Variants in AGBL1 observed in about 807,000 individuals in gnomAD.
AGBL1 encodes AGBL carboxypeptidase 1, also known as cytosolic carboxypeptidase 4.
AGBL1 carries 130 observed loss-of-function variants against 118.9 expected under a neutral mutation model. The observed-to-expected ratio is 1.09, with a 90% CI of 0.95 to 1.26. The LOEUF (loss-of-function observed/expected upper bound fraction) is 1.26. Ranked by LOEUF, AGBL1 falls within the 50% of genes most tolerant of loss-of-function variation. The pLI, the probability that AGBL1 is intolerant of heterozygous loss-of-function variation, is 0.00. For missense variants in AGBL1, 1,584 were observed against 1,298.1 expected (o/e 1.22, Z -3.38); for synonymous variants, 555 against 478.9 (o/e 1.16, Z -2.08).
intron 5 of AGBL1, among the ~76,000 whole-genome samples, chr15:86,215,217 A>G (rs369375030): frequency 0.074 from 9,483 of 128,090 alleles, 482 homozygotes; most frequent in Admixed American, 0.11. Context: ...GTGAGTGTAT[A>G]TGTATGCGTG....
At chr15:86,311,845 G>A (rs766884575) in intron 17 of AGBL1, among the ~76,000 whole-genome samples, 1 of 152,194 alleles carries the variant, frequency 6.6e-6, no homozygotes, top group Non-Finnish European at 1.5e-5. Flanking sequence ...TTCCCTTGCA[G>A]CTGGTGGAAA....
chr15:86,559,993 G>A (rs1036406238), intron 21 of AGBL1, among the ~76,000 whole-genome samples: 1 of 152,086 alleles, frequency 6.6e-6, no homozygotes, highest in African/African-American at 2.4e-5. Flanking sequence ...GACAGAATTG[G>A]AACTAAAAGA....
At chr15:86,503,311 A>C (rs2082937694) in intron 18 of AGBL1, among the ~76,000 whole-genome samples, 1 of 151,304 alleles carries the variant, frequency 6.6e-6, no homozygotes, top group Admixed American at 6.6e-5. Context: ...TCCTTTTAAT[A>C]ATTTACATCT....
chr15:86,965,494 T>C (rs1482828975), intron 23 of AGBL1, among the ~76,000 whole-genome samples: 1 of 152,090 alleles, frequency 6.6e-6, no homozygotes, highest in Non-Finnish European at 1.5e-5. Flanking sequence ...TTTTTTCTTG[T>C]AAATTTGTTT....
chr15:86,263,287 C>A (rs2079021937), intron 10 of AGBL1, among the ~76,000 whole-genome samples: 1 of 152,172 alleles, frequency 6.6e-6, no homozygotes, highest in Non-Finnish European at 1.5e-5. Context: ...CAGTGTTCAG[C>A]ACTTTAACAT....
intron 22 of AGBL1, among the ~76,000 whole-genome samples, chr15:86,687,750 G>A (rs896506249): frequency 6.6e-6 from 1 of 152,074 alleles, no homozygotes; most frequent in Non-Finnish European, 1.5e-5. Context: ...TGTACATAAT[G>A]ATTACAATAA....
At chr15:86,292,439 A>G (rs1175457780) in intron 16 of AGBL1, among the ~76,000 whole-genome samples, 2 of 152,142 alleles carry the variant, frequency 1.3e-5, no homozygotes, top group African/African-American at 4.8e-5. Context: ...GACACCTTGA[A>G]TTTTGCCCAG....
At chr15:86,825,337 C>A (rs569645962) in intron 22 of AGBL1, among the ~76,000 whole-genome samples, 145 of 105,678 alleles carry the variant, frequency 1.4e-3, no homozygotes, top group Non-Finnish European at 1.9e-3. Flanking sequence ...TAAACACTTT[C>A]TTTTTTGTAA....
In AGBL1 at chr15:86,203,464, C is replaced by G. The variant is rs1472526508; in HGVS notation, c.489-21450C>G. On this transcript the variant is annotated intron_variant, in intron 5 of 22. Transcript: ENST00000614907. ...AATATTGTTTGTCTTTATAAATACACAGTATCTGTGTATTTCTCAAGTATA... is the reference window on the plus strand; with the variant it reads ...AATATTGTTTGTCTTTATAAATACAGAGTATCTGTGTATTTCTCAAGTATA... Among the ~76,000 whole-genome samples the G allele has an allele frequency of 2.0e-5, 3 of 152,152 alleles. No homozygotes were observed. In the East Asian group the frequency reaches 5.8e-4, roughly 29 times the overall value.
intron 1 of AGBL1, among the ~76,000 whole-genome samples, chr15:86,094,172 T>TATA (rs1235104313): frequency 2.0e-5 from 3 of 152,178 alleles, no homozygotes; most frequent in African/African-American, 7.2e-5. Context: ...TAATTGACAC[T>TATA]ATAAAGTTTA....
At chr15:86,711,914 T>C (rs866562984) in intron 22 of AGBL1, among the ~76,000 whole-genome samples, 1 of 152,208 alleles carries the variant, frequency 6.6e-6, no homozygotes, top group African/African-American at 2.4e-5. Flanking sequence ...ATATGTCTTA[T>C]ATGGACAAGA....
At chr15:86,478,525 G>C (rs923737595) in intron 18 of AGBL1, among the ~76,000 whole-genome samples, 4 of 152,114 alleles carry the variant, frequency 2.6e-5, no homozygotes, top group Admixed American at 2.0e-4. Context: ...CAACTTACAA[G>C]GGATGTGAAG....
chr15:86,507,635 A>T lies in AGBL1; in HGVS notation c.2556-15175A>T, dbSNP rs114717156. Reference sequence around the variant, plus strand: ...TGAGCAGGTGAAAGGTGGGAAGAAGATCCTCTATGATGAGATGACATTTGA... The same window carrying T: ...TGAGCAGGTGAAAGGTGGGAAGAAGTTCCTCTATGATGAGATGACATTTGA... On this transcript the variant is annotated intron_variant, in intron 18 of 22. Coordinates refer to ENST00000614907, the MANE Select transcript of AGBL1 (RefSeq NM_001386094.1). 5.9e-3 allele frequency among the ~76,000 whole-genome samples: 898 copies of T among 152,202 alleles called. 13 individuals carry two copies. Among genetic ancestry groups the T allele is most frequent in the African/African-American group, 0.02 (815 of 41,536 alleles).
chr15:86,182,226 G>C (rs1002637571), intron 5 of AGBL1, among the ~76,000 whole-genome samples: 4 of 151,694 alleles, frequency 2.6e-5, no homozygotes, highest in African/African-American at 2.4e-5. Flanking sequence ...TCTATATCTT[G>C]TCCACTTTTG....
Position 86,280,870 on chromosome 15 carries a change from G to A in AGBL1, c.2220+1087G>A, listed in dbSNP as rs1166895266. Among the ~76,000 whole-genome samples the A allele has an allele frequency of 5.3e-5, 8 of 152,254 alleles. No individual in the cohort carries two copies. In the East Asian group the frequency reaches 1.5e-3, roughly 29 times the overall value. The stretch of plus-strand genomic sequence containing the variant: ...TCTTGCCTAAAGAGAGATTTTTACT[G>A]TTTTCCAGATTGCAAAAAATACACA... On this transcript the variant is annotated intron_variant, in intron 16 of 22. Coordinates refer to ENST00000614907, the MANE Select transcript of AGBL1 (RefSeq NM_001386094.1).
At chr15:86,744,675 C>G (rs1048294677) in intron 22 of AGBL1, among the ~76,000 whole-genome samples, 2 of 152,098 alleles carry the variant, frequency 1.3e-5, no homozygotes, top group East Asian at 1.9e-4. Flanking sequence ...CTCCCTTCCC[C>G]GTGTTTCTCC....
At chr15:86,904,549 C>G (rs887689383) in intron 22 of AGBL1, among the ~76,000 whole-genome samples, 26 of 148,442 alleles carry the variant, frequency 1.8e-4, no homozygotes, top group African/African-American at 6.1e-4. Context: ...ATGTTTATAA[C>G]ATATTATGTT....
chr15:86,707,954 C>A (rs980642323), intron 22 of AGBL1, among the ~76,000 whole-genome samples: 1 of 152,100 alleles, frequency 6.6e-6, no homozygotes, highest in Admixed American at 6.6e-5. Context: ...GGAGGTCCAA[C>A]ACAGACCACA....
chr15:86,987,937 T>C (rs1390448931), intron 23 of AGBL1: 3 of 1,583,550 alleles, frequency 1.9e-6, no homozygotes, highest in Non-Finnish European at 2.6e-6. Context: ...TATGTGACAC[T>C]ATGGTTTATT....
Sources: gnomAD v4.1 joint callset for allele counts (sites outside exome capture counted in the v4.1 genomes callset) on GRCh38, gnomAD v4.1.1 for gene constraint, MANE v1.5 for transcripts, NCBI Gene and HGNC (gene_info 2026-07-23, HGNC 2026-07-21) for gene names.